The following ATAD2B variants were observed in gnomAD, a reference collection of about 807,000 sequenced individuals.
ATAD2B encodes ATPase family AAA domain containing 2B.
In ATAD2B, 40 loss-of-function variants were observed where a neutral mutation model predicts 167.6. The ratio of observed to expected loss-of-function variants is 0.24; its 90% CI spans 0.19 to 0.31. The LOEUF is 0.31. ATAD2B is among the 10% of genes least tolerant of loss of function. The pLI, the probability that ATAD2B is intolerant of heterozygous loss-of-function variation, is 1.00. For missense variants in ATAD2B, 1,242 were observed against 1,757.2 expected, an observed-to-expected ratio of 0.71 and a Z score of 5.24; for synonymous variants, 579 against 596.5, an observed-to-expected ratio of 0.97 and a Z score of 0.43.
chr2:23,695,867 G>A, the ATAD2B span: 1 of 1,536,492 alleles, frequency 6.5e-7, no homozygotes, highest in Admixed American at 2.0e-5. The surrounding 1 kb of genome is among the most constrained non-coding windows in gnomAD (Gnocchi z 7.6). Flanking sequence ...AGTGTCTTGG[G>A]CTCAGTGGTT....
intron 12 of ATAD2B, among the ~76,000 whole-genome samples, chr2:23,860,797 CCT>C (rs1694222926): frequency 6.6e-6 from 1 of 151,988 alleles, no homozygotes; most frequent in Non-Finnish European, 1.5e-5. Flanking sequence ...ATGGTGAAAC[CCT>C]GTCTGTACTA....
the ATAD2B span, chr2:23,691,716 G>A: frequency 9.0e-6 from 14 of 1,551,694 alleles, no homozygotes; most frequent in African/African-American, 1.1e-4. Context: ...AGAAGCTGGA[G>A]CTCGTCCTGT....
Position 23,800,696 on chromosome 2 carries a change from T to C in ATAD2B, c.2455-2373A>G, listed in dbSNP as rs192456694. Among the ~76,000 whole-genome samples the C allele has an allele frequency of 2.0e-4, 30 of 152,126 alleles. 1 individual carries two copies. Among genetic ancestry groups the C allele is most frequent in the Admixed American group, 7.2e-4 (11 of 15,226 alleles). On this transcript the variant is annotated intron_variant, in intron 18 of 27. Transcript: ENST00000238789. The stretch of plus-strand genomic sequence containing the variant: ...AAATTTGTCCACATTTCCAAAAAAT[T>C]TCTTATTTTCATCTCATCTTCTCAA...
chr2:23,873,748 T>C (rs561774662), intron 8 of ATAD2B, among the ~76,000 whole-genome samples: 1 of 152,342 alleles, frequency 6.6e-6, no homozygotes, highest in East Asian at 1.9e-4. Context: ...TCTCGTAGCT[T>C]CAGTAAAAGC....
chr2:23,870,675 T>G (rs1695831891), intron 8 of ATAD2B, among the ~76,000 whole-genome samples: 1 of 144,808 alleles, frequency 6.9e-6, no homozygotes, highest in East Asian at 2.0e-4. Context: ...AAAAGTTTGG[T>G]TTTTTTTTTT....
chr2:23,926,789 G>T lies in ATAD2B; in HGVS notation c.-19C>A. On this transcript the variant is annotated 5_prime_UTR_variant, in exon 1 of 28. Transcript: ENST00000238789. ...TCACCATGGTCCAGCCAGGGGGACG[G>T]AGTCCACGCCGCGCCCGGGAGAGCC... The T allele has an allele frequency of 6.6e-7, 1 of 1,504,546 alleles. No homozygotes were observed. Among genetic ancestry groups the T allele is most frequent in the Non-Finnish European group, 8.9e-7 (1 of 1,124,458 alleles). The allele number at this position is 1,504,546 out of a possible 1,614,324, so 93.2% of individuals were successfully genotyped here.
At chr2:23,757,202 C>A (rs946021072) in intron 25 of ATAD2B, among the ~76,000 whole-genome samples, 1 of 152,118 alleles carries the variant, frequency 6.6e-6, no homozygotes, top group Non-Finnish European at 1.5e-5. Context: ...AAACGATACA[C>A]CCTCTGAAAC....
At chr2:23,688,242 G>A in the ATAD2B span, among the ~76,000 whole-genome samples, 81 of 152,354 alleles carry the variant, frequency 5.3e-4, no homozygotes, top group African/African-American at 1.7e-3. Context: ...ATGCCCATGC[G>A]TGTGTCCTGC....
chr2:23,807,820 A>AT (rs779599879), intron 18 of ATAD2B, among the ~76,000 whole-genome samples: 9,365 of 64,736 alleles, frequency 0.14, 446 homozygotes, highest in Middle Eastern at 0.28. Flanking sequence ...CATCTTAAAA[A>AT]AAAAAAAAAT....
At chr2:23,736,844 T>C in the ATAD2B span, among the ~76,000 whole-genome samples, 1 of 152,152 alleles carries the variant, frequency 6.6e-6, no homozygotes, top group Admixed American at 6.5e-5. Flanking sequence ...ACTCCCACCC[T>C]AATACTGCGC....
intron 1 of ATAD2B, among the ~76,000 whole-genome samples, chr2:23,900,241 T>C (rs1700660759): frequency 6.6e-6 from 1 of 151,736 alleles, no homozygotes; most frequent in Admixed American, 6.6e-5. Flanking sequence ...TATATTTTTA[T>C]TATTTTATTT....
chr2:23,784,790 C>A (rs899190968), intron 21 of ATAD2B, among the ~76,000 whole-genome samples: 5 of 151,788 alleles, frequency 3.3e-5, no homozygotes, highest in African/African-American at 1.2e-4. Flanking sequence ...GGGGATGACC[C>A]AGCAATATAA....
At chr2:23,682,036 C>T in the ATAD2B span, among the ~76,000 whole-genome samples, 1 of 152,036 alleles carries the variant, frequency 6.6e-6, no homozygotes, top group South Asian at 2.1e-4. This position sits in a 1 kb window ranked among gnomAD's most constrained non-coding sequence, Gnocchi z 4.1. Context: ...CACCCCACAA[C>T]TGATCTTCTT....
At chr2:23,841,098 ATTTTTTTTTTT>A (rs572061183) in intron 13 of ATAD2B, among the ~76,000 whole-genome samples, 1 of 117,172 alleles carries the variant, frequency 8.5e-6, no homozygotes. Context: ...ATGCATGGCT[ATTTTTTTTTTT>A]TTTTTTTTTT....
chr2:23,870,865 T>C (rs932715562), intron 8 of ATAD2B, among the ~76,000 whole-genome samples: 1 of 151,928 alleles, frequency 6.6e-6, no homozygotes, highest in Non-Finnish European at 1.5e-5. Context: ...AGAACTACTA[T>C]GGAGAGATTA....
At chr2:23,680,298 A>C in the ATAD2B span, among the ~76,000 whole-genome samples, 1 of 152,094 alleles carries the variant, frequency 6.6e-6, no homozygotes, top group Non-Finnish European at 1.5e-5. The surrounding 1 kb of genome is among the most constrained non-coding windows in gnomAD (Gnocchi z 4.1). Flanking sequence ...CGGGCAGTGG[A>C]CCGTCTTCCA....
the ATAD2B span, among the ~76,000 whole-genome samples, chr2:23,695,350 G>T: frequency 6.6e-6 from 1 of 152,124 alleles, no homozygotes; most frequent in African/African-American, 2.4e-5. The surrounding 1 kb of genome is among the most constrained non-coding windows in gnomAD (Gnocchi z 7.6). Flanking sequence ...AGAATGGGGT[G>T]CTGGGGGGAT....
At chr2:23,798,103 T>C in intron 19 of ATAD2B, 35 bp downstream of exon 19, 5 of 1,295,576 alleles carry the variant, frequency 3.9e-6, no homozygotes, top group Non-Finnish European at 5.2e-6. Context: ...TAGAACAATA[T>C]AATAAGGAAA....
chr2:23,785,330 T>C (rs957026804), intron 21 of ATAD2B, among the ~76,000 whole-genome samples: 3 of 152,080 alleles, frequency 2.0e-5, no homozygotes, highest in Non-Finnish European at 4.4e-5. Context: ...CCAGTAAAGA[T>C]TACATTGTGT....
Sources: allele counts gnomAD v4.1 joint callset (sites outside exome capture counted in the v4.1 genomes callset), GRCh38; gene constraint gnomAD v4.1.1; non-coding constraint Gnocchi (gnomAD v3.1); transcripts MANE v1.5; gene names NCBI Gene and HGNC (gene_info 2026-07-23, HGNC 2026-07-21).